Variants in PDZRN3 observed in about 807,000 individuals in gnomAD.
PDZRN3 encodes the protein E3 ubiquitin-protein ligase PDZRN3.
A neutral mutation model predicts 85.7 loss-of-function variants in PDZRN3; 38 were observed. The ratio of observed to expected loss-of-function variants is 0.44; its 90% CI spans 0.34 to 0.58. The LOEUF is 0.58. Ranked by LOEUF, PDZRN3 falls within the 20% of genes least tolerant of loss-of-function variation. The probability of loss-of-function intolerance (pLI) is 0.01; values close to 1 mark genes in which losing one functional copy is unlikely to be tolerated. For missense variants in PDZRN3, 1,629 were observed against 1,506.4 expected, an observed-to-expected ratio of 1.08 and a Z score of -1.35; for synonymous variants, 759 against 638.0, an observed-to-expected ratio of 1.19 and a Z score of -2.86.
intron 3 of PDZRN3, among the ~76,000 whole-genome samples, chr3:73,418,349 A>G (rs1316956092): frequency 6.6e-6 from 1 of 152,216 alleles, no homozygotes; most frequent in East Asian, 1.9e-4. Context: ...AAACACTGCA[A>G]GATTCATGTA....
In PDZRN3 at chr3:73,429,285, C is replaced by CT. The variant is rs143002393; in HGVS notation, c.919-24891dup. ...ATGTAAAGCTGCTTCTAAAACAAAG[C>CT]TTTTAGAATTAATAGGCTGTTTAAG... On this transcript the variant is annotated intron_variant, in intron 3 of 9. Transcript: ENST00000263666. Among the ~76,000 whole-genome samples, 1,155 of 152,240 alleles carry CT rather than the reference C, an allele frequency of 7.6e-3. 22 individuals are homozygous for CT. Among genetic ancestry groups the CT allele is most frequent in the African/African-American group, 0.026 (1,093 of 41,548 alleles).
At chr3:73,492,984 C>CTTTTTTTTT (rs5850113) in intron 3 of PDZRN3, among the ~76,000 whole-genome samples, 1 of 104,042 alleles carries the variant, frequency 9.6e-6, no homozygotes, top group African/African-American at 3.3e-5. Flanking sequence ...GCTTTTCAAC[C>CTTTTTTTTT]TTTTTTTTTT....
intron 3 of PDZRN3, among the ~76,000 whole-genome samples, chr3:73,422,132 G>C (rs1445392221): frequency 6.6e-6 from 1 of 152,194 alleles, no homozygotes; most frequent in Non-Finnish European, 1.5e-5. Flanking sequence ...TTGAGGGCAG[G>C]GACTTTTCTT....
At chr3:73,421,416 C>T (rs1702200159) in intron 3 of PDZRN3, among the ~76,000 whole-genome samples, 1 of 152,160 alleles carries the variant, frequency 6.6e-6, no homozygotes, top group Non-Finnish European at 1.5e-5. Flanking sequence ...TGAAGTAGGA[C>T]ATGAACACTG....
intron 3 of PDZRN3, among the ~76,000 whole-genome samples, chr3:73,579,818 T>C (rs1002330801): frequency 6.6e-6 from 1 of 152,282 alleles, no homozygotes; most frequent in African/African-American, 2.4e-5. Flanking sequence ...CCATTATGTA[T>C]GGAGTGTCTC....
intron 5 of PDZRN3, among the ~76,000 whole-genome samples, chr3:73,397,729 G>A (rs1219059376): frequency 1.3e-5 from 2 of 152,180 alleles, no homozygotes; most frequent in Non-Finnish European, 2.9e-5. Flanking sequence ...GACTGAGGAC[G>A]ACATCTGTCC....
At chr3:73,386,864 T>A (rs1394653408) in intron 8 of PDZRN3, among the ~76,000 whole-genome samples, 1 of 147,010 alleles carries the variant, frequency 6.8e-6, no homozygotes, top group Non-Finnish European at 1.5e-5. Flanking sequence ...GTCTCTCGGC[T>A]TTTTCAATCG....
At chr3:73,494,686 C>T (rs1703834214) in intron 3 of PDZRN3, among the ~76,000 whole-genome samples, 1 of 152,098 alleles carries the variant, frequency 6.6e-6, no homozygotes, top group African/African-American at 2.4e-5. Context: ...CTTTAAAAAG[C>T]TTAATTTATT....
intron 3 of PDZRN3, among the ~76,000 whole-genome samples, chr3:73,425,855 A>C (rs1370584363): frequency 2.0e-5 from 3 of 152,184 alleles, no homozygotes; most frequent in Non-Finnish European, 4.4e-5. Flanking sequence ...GTGTCTATAA[A>C]TCATGACCTA....
At chr3:73,389,420 G>A (rs1701472987) in intron 7 of PDZRN3, among the ~76,000 whole-genome samples, 1 of 152,184 alleles carries the variant, frequency 6.6e-6, no homozygotes, top group African/African-American at 2.4e-5. Flanking sequence ...CCTCTGAAAT[G>A]CTTGGTCCAA....
intron 3 of PDZRN3, chr3:73,474,508 A>G (rs1228225376): frequency 4.7e-6 from 6 of 1,288,722 alleles, no homozygotes; most frequent in East Asian, 1.1e-4. Context: ...TTACTGAACA[A>G]TAAGATCATC....
intron 3 of PDZRN3, among the ~76,000 whole-genome samples, chr3:73,495,903 C>T (rs536795649): frequency 6.6e-6 from 1 of 152,190 alleles, no homozygotes; most frequent in African/African-American, 2.4e-5. Flanking sequence ...AGATAGAAAC[C>T]ATAGCTGGTA....
At chr3:73,611,241 A>C (rs1702680935) in intron 1 of PDZRN3, among the ~76,000 whole-genome samples, 1 of 152,240 alleles carries the variant, frequency 6.6e-6, no homozygotes, top group South Asian at 2.1e-4. Flanking sequence ...GGCCAGTATC[A>C]GAACAAAATT....
In PDZRN3 at chr3:73,585,764, C is replaced by G. The variant is rs149077257; in HGVS notation, c.918+16590G>C. On this transcript the variant is annotated intron_variant, in intron 3 of 9. Coordinates refer to ENST00000263666, the MANE Select transcript of PDZRN3 (RefSeq NM_015009.3). ...AAAGGCATCTTCCAGAACTTAGTTG[C>G]TACTGATTTTATGTTGCCAAAACGG... 1.4e-3 allele frequency among the ~76,000 whole-genome samples: 211 copies of G among 152,286 alleles called. 1 individual carries two copies. The highest frequency in any genetic ancestry group is 6.8e-3 in the Middle Eastern group (2 of 294).
At position 73,624,316 on chromosome 3, in the gene PDZRN3, G is replaced by T. The variant is rs1228198197; in HGVS notation, c.510C>A (p.Asn170Lys). ...HCCARALRAH[N>K]GALQARLGAL... is the part of the protein sequence containing the mutation. ...CGCCCAGGCGGGCCTGGAGCGCGCC[G>T]TTGTGCGCCCGCAGCGCTCGCGCGC... The change falls in exon 1 of 10, where the codon AAC becomes AAA. Residue 170 changes from asparagine (N) to lysine (K), a missense_variant. Asn to Lys is a moderately conservative substitution (Grantham distance 94). Coordinates refer to ENST00000263666, the MANE Select transcript of PDZRN3 (RefSeq NM_015009.3). 46 of 1,316,334 alleles carry T rather than the reference G, an allele frequency of 3.5e-5. No individual in the cohort carries two copies. The highest frequency in any genetic ancestry group is 4.2e-5 in the Non-Finnish European group (44 of 1,040,394). The allele number at this position is 1,316,334 out of a possible 1,614,324, so 81.5% of individuals were successfully genotyped here.
chr3:73,508,926 T>TA (rs1704115444), intron 3 of PDZRN3, among the ~76,000 whole-genome samples: 1 of 152,182 alleles, frequency 6.6e-6, no homozygotes, highest in Non-Finnish European at 1.5e-5. Flanking sequence ...AGGTTCTATT[T>TA]ATATATTATG....
intron 3 of PDZRN3, among the ~76,000 whole-genome samples, chr3:73,592,533 C>A (rs949274814): frequency 6.6e-6 from 1 of 152,064 alleles, no homozygotes; most frequent in African/African-American, 2.4e-5. Context: ...GAGGGGAGTG[C>A]CACTCTCAGG....
intron 3 of PDZRN3, among the ~76,000 whole-genome samples, chr3:73,546,366 C>T (rs1014315150): frequency 3.9e-5 from 6 of 152,160 alleles, no homozygotes; most frequent in Non-Finnish European, 8.8e-5. Context: ...ATCAAATGAT[C>T]GTCACTGTCT....
At chr3:73,448,418 T>C (rs1489516981) in intron 3 of PDZRN3, among the ~76,000 whole-genome samples, 4 of 152,238 alleles carry the variant, frequency 2.6e-5, no homozygotes, top group African/African-American at 9.6e-5. Flanking sequence ...CTAGGGATGA[T>C]GCTGAACCCT....
Sources: allele counts gnomAD v4.1 joint callset (sites outside exome capture counted in the v4.1 genomes callset), GRCh38; gene constraint gnomAD v4.1.1; transcripts MANE v1.5; gene names NCBI Gene and HGNC (gene_info 2026-07-23, HGNC 2026-07-21).